Variants in ACYP2 observed in about 807,000 individuals in gnomAD.
The protein encoded by ACYP2 is acylphosphatase-2.
In ACYP2, 12 loss-of-function variants were observed where a neutral mutation model predicts 11.2. The ratio of observed to expected loss-of-function variants is 1.08; its 90% CI spans 0.69 to 1.74. ACYP2 has a LOEUF of 1.74. ACYP2 is among the 40% of genes most tolerant of loss of function. The pLI, the probability that ACYP2 is intolerant of heterozygous loss-of-function variation, is 0.00. For missense variants in ACYP2, 134 were observed against 101.9 expected, an observed-to-expected ratio of 1.31 and a Z score of -1.35; for synonymous variants, 43 against 32.2, an observed-to-expected ratio of 1.33 and a Z score of -1.13.
At chr2:54,063,941 G>C (rs1364375401) in intron 4 of ACYP2, among the ~76,000 whole-genome samples, 1 of 152,182 alleles carries the variant, frequency 6.6e-6, no homozygotes, top group Non-Finnish European at 1.5e-5. Context: ...AGAGAAGGAG[G>C]GGTGAGATGG....
chr2:53,980,780 T>G (rs561663067), intron 2 of ACYP2, among the ~76,000 whole-genome samples: 1 of 152,030 alleles, frequency 6.6e-6, no homozygotes, highest in South Asian at 2.1e-4. Context: ...TAGATAGGCT[T>G]TCACTCTGTT....
intron 6 of ACYP2, among the ~76,000 whole-genome samples, chr2:54,275,921 T>G (rs1688542175): frequency 6.6e-6 from 1 of 152,208 alleles, no homozygotes; most frequent in Non-Finnish European, 1.5e-5. Context: ...TAATTATATG[T>G]ATGATAGGAG....
chr2:54,296,689 G>T (rs1369986639), intron 6 of ACYP2, among the ~76,000 whole-genome samples: 1 of 151,694 alleles, frequency 6.6e-6, no homozygotes, highest in African/African-American at 2.4e-5. Context: ...TTTTTGTAAA[G>T]GATAAAATAG....
At chr2:54,013,729 GAA>G (rs377271771) in intron 2 of ACYP2, among the ~76,000 whole-genome samples, 1,657 of 101,368 alleles carry the variant, frequency 0.016, 42 homozygotes, top group African/African-American at 0.054. Flanking sequence ...AGAGAAAAAA[GAA>G]AAAAAAAAAA....
At chr2:54,156,062 G>T (rs1343672855) in intron 6 of ACYP2, among the ~76,000 whole-genome samples, 1 of 151,854 alleles carries the variant, frequency 6.6e-6, no homozygotes, top group African/African-American at 2.4e-5. Flanking sequence ...ACTGTTTTTG[G>T]TACCTGACCT....
At chr2:53,994,747 A>G (rs1672487615) in intron 2 of ACYP2, among the ~76,000 whole-genome samples, 1 of 152,202 alleles carries the variant, frequency 6.6e-6, no homozygotes, top group Non-Finnish European at 1.5e-5. Context: ...TTTATTCCCA[A>G]ATTATTCTAG....
chr2:54,075,468 A>T (rs955838199), intron 4 of ACYP2, among the ~76,000 whole-genome samples: 1 of 150,382 alleles, frequency 6.6e-6, no homozygotes, highest in Non-Finnish European at 1.5e-5. Flanking sequence ...ACTGCATCCT[A>T]TCCTGGGTGA....
chr2:54,180,797 C>T (rs1389564475), intron 6 of ACYP2, among the ~76,000 whole-genome samples: 2 of 152,134 alleles, frequency 1.3e-5, no homozygotes, highest in East Asian at 3.8e-4. Flanking sequence ...CTCAAGCAGT[C>T]GCCTGCCTCA....
intron 2 of ACYP2, among the ~76,000 whole-genome samples, chr2:54,004,661 T>C (rs1177057615): frequency 2.6e-5 from 4 of 151,016 alleles, no homozygotes; most frequent in African/African-American, 7.3e-5. Flanking sequence ...CGGCCCGCCT[T>C]GGCCTCCCAA....
intron 6 of ACYP2, among the ~76,000 whole-genome samples, chr2:54,252,625 T>C (rs1375205434): frequency 2.0e-5 from 3 of 152,192 alleles, no homozygotes; most frequent in African/African-American, 7.2e-5. Context: ...AAAGATCCCA[T>C]TGGCATAATG....
At chr2:54,256,126 C>A (rs763436690) in intron 6 of ACYP2, 2 of 1,613,672 alleles carry the variant, frequency 1.2e-6, no homozygotes, top group Admixed American at 3.3e-5. Flanking sequence ...AGTAGCGGGG[C>A]TGTGAGGACT....
At chr2:54,123,234 T>A (rs1293372695) in intron 4 of ACYP2, 1 of 397,362 alleles carries the variant, frequency 2.5e-6, no homozygotes, top group Non-Finnish European at 4.4e-6. Flanking sequence ...AGAAAGATGC[T>A]TTCTCCTGCA....
chr2:54,199,295 G>A (rs1157352012), intron 6 of ACYP2, among the ~76,000 whole-genome samples: 3 of 152,168 alleles, frequency 2.0e-5, no homozygotes, highest in Non-Finnish European at 4.4e-5. Flanking sequence ...TACCCACATG[G>A]GGTCTTGAGG....
At chr2:54,174,164 G>A (rs549803128) in intron 6 of ACYP2, among the ~76,000 whole-genome samples, 1 of 152,310 alleles carries the variant, frequency 6.6e-6, no homozygotes, top group African/African-American at 2.4e-5. Context: ...CTATCCATGA[G>A]CATGGAATGT....
At chr2:54,037,541 G>A (rs1674974689) in intron 2 of ACYP2, among the ~76,000 whole-genome samples, 3 of 152,072 alleles carry the variant, frequency 2.0e-5, no homozygotes, top group South Asian at 2.1e-4. Context: ...CTCCTGAGTA[G>A]TTAGGACCAC....
chr2:54,086,695 G>C (rs1017980722), intron 4 of ACYP2, among the ~76,000 whole-genome samples: 1 of 152,206 alleles, frequency 6.6e-6, no homozygotes. Flanking sequence ...GTGCACGCGC[G>C]CGCTAGTGCG....
At chr2:54,026,819 C>T (rs1465021518) in intron 2 of ACYP2, among the ~76,000 whole-genome samples, 1 of 151,666 alleles carries the variant, frequency 6.6e-6, no homozygotes, top group African/African-American at 2.4e-5. Context: ...GAAAACCAAA[C>T]ATCGTATGTT....
chr2:54,144,146 A>AT (rs1681773290), intron 6 of ACYP2, among the ~76,000 whole-genome samples: 2 of 151,784 alleles, frequency 1.3e-5, no homozygotes, highest in African/African-American at 4.8e-5. Context: ...ATTTTTAAAA[A>AT]TTTTTTTGTG....
At chr2:54,177,453 G>A (rs557770361) in intron 6 of ACYP2, among the ~76,000 whole-genome samples, 2 of 152,224 alleles carry the variant, frequency 1.3e-5, no homozygotes, top group Middle Eastern at 6.8e-3. Flanking sequence ...TGCCAGCCCT[G>A]GGGTGCTTCA....
Sources: allele counts gnomAD v4.1 joint callset (sites outside exome capture counted in the v4.1 genomes callset), GRCh38; gene constraint gnomAD v4.1.1; transcripts MANE v1.5; gene names NCBI Gene and HGNC (gene_info 2026-07-23, HGNC 2026-07-21).